BAHCC1: variants seen among roughly 807,000 people sequenced by gnomAD.
The protein encoded by BAHCC1 is BAH and coiled-coil domain-containing protein 1.
A neutral mutation model predicts 88.2 loss-of-function variants in BAHCC1; 43 were observed. That is an observed-to-expected ratio of 0.49 (90% CI 0.38 to 0.63). The LOEUF is 0.63. Ranked by LOEUF, BAHCC1 falls within the 20% of genes least tolerant of loss-of-function variation. BAHCC1 has a pLI of 0.00. For missense variants in BAHCC1, 3,023 were observed against 1,654.8 expected (o/e 1.83, Z -14.34); for synonymous variants, 1,510 against 745.5 (o/e 2.03, Z -16.71).
chr17:81,456,957 A>AAACACGTGTGTCCAG (rs2064761258), intron 16 of BAHCC1, among the ~76,000 whole-genome samples: 1 of 152,114 alleles, frequency 6.6e-6, no homozygotes, highest in Non-Finnish European at 1.5e-5. Flanking sequence ...CCCCCCCAGC[A>AAACACGTGTGTCCAG]AACACGTGTG....
At chr17:81,408,099 C>A (rs2063903600) in intron 2 of BAHCC1, among the ~76,000 whole-genome samples, 1 of 152,230 alleles carries the variant, frequency 6.6e-6, no homozygotes. Flanking sequence ...TCCTGCTGCC[C>A]CTGTGTGGCT....
In BAHCC1 at chr17:81,410,590, G is replaced by C. The variant is rs566568976; in HGVS notation, c.178+10673G>C. ...GACCTGCTCTGAGGCACCACGGGTC[G>C]AGGCACCACGGGTCCTGGCACCACG... On this transcript the variant is annotated intron_variant, in intron 2 of 27. Coordinates refer to ENST00000675386, the MANE Select transcript of BAHCC1 (RefSeq NM_001377448.1). 2.3e-4 allele frequency among the ~76,000 whole-genome samples: 35 copies of C among 152,172 alleles called. No individual in the cohort carries two copies. In the East Asian group the frequency reaches 5.8e-3, roughly 25 times the overall value.
chr17:81,443,970 C>T, intron 6 of BAHCC1, 53 bp downstream of exon 6: 1 of 697,282 alleles, frequency 1.4e-6, no homozygotes, highest in East Asian at 2.7e-5. Flanking sequence ...GGGCTTGGGG[C>T]TCCCCACTCA....
intron 2 of BAHCC1, among the ~76,000 whole-genome samples, chr17:81,425,874 G>A (rs1481534883): frequency 6.7e-6 from 1 of 150,300 alleles, no homozygotes; most frequent in Admixed American, 6.6e-5. Flanking sequence ...GGTGGGTGAT[G>A]TGGTTGGTGG....
chr17:81,442,488 A>G lies in BAHCC1; in HGVS notation c.1139A>G (p.Gln380Arg). Residue 380 changes from glutamine (Q) to arginine (R), a missense_variant, in exon 5 of 28, where the codon CAG (glutamine) becomes CGG (arginine). Gln to Arg is a conservative substitution (Grantham distance 43). Coordinates refer to ENST00000675386, the MANE Select transcript of BAHCC1 (RefSeq NM_001377448.1). ...HGGPDGLCPLQDKAPRDLKAS... is the reference protein window; with the variant it reads ...HGGPDGLCPLRDKAPRDLKAS... ...GGCCCTGACGGGCTCTGCCCGCTGC[A>G]GGACAAAGCCCCCCGGGACCTAAAG... 1.4e-6 allele frequency: 1 copy of G among 722,446 alleles called. No individual in the cohort carries two copies. The highest frequency in any genetic ancestry group is 2.6e-6 in the Non-Finnish European group (1 of 390,176). 44.8% of individuals were successfully genotyped at this position (722,446 alleles called of 1,614,324 possible). A position where few individuals can be genotyped will look rare whatever the true frequency, so the allele number is the denominator to read the frequency against.
chr17:81,438,036 C>T (rs1163762499), intron 3 of BAHCC1, among the ~76,000 whole-genome samples: 2 of 152,206 alleles, frequency 1.3e-5, no homozygotes, highest in Admixed American at 1.3e-4. Context: ...CCCCCTCCTC[C>T]CACAAAACCT....
At chr17:81,445,217 C>A (rs1555653982) in intron 9 of BAHCC1, 39 bp downstream of exon 9, 3 of 736,206 alleles carry the variant, frequency 4.1e-6, no homozygotes, top group Non-Finnish European at 7.6e-6. Context: ...CCGGGCACTT[C>A]TCCCCAACCC....
intron 2 of BAHCC1, among the ~76,000 whole-genome samples, chr17:81,425,228 T>G (rs2064167537): frequency 1.5e-5 from 1 of 68,622 alleles, no homozygotes. Flanking sequence ...TGGTTGGTGG[T>G]GATGTGGTTG....
At chr17:81,460,229 G>A in intron 23 of BAHCC1, 48 bp from the exon 24 acceptor site, 1 of 717,914 alleles carries the variant, frequency 1.4e-6, no homozygotes, top group Non-Finnish European at 2.6e-6. Context: ...CCCTGTTTCG[G>A]GCGCCTACTG....
intron 27 of BAHCC1, among the ~76,000 whole-genome samples, 186 bp downstream of exon 27, chr17:81,463,162 T>C (rs1050052449): frequency 3.3e-5 from 5 of 151,978 alleles, no homozygotes; most frequent in Admixed American, 2.6e-4. Context: ...GGCTCCCAGG[T>C]CCCTCCCCAC....
At chr17:81,397,703 C>T (rs1555645144) in intron 1 of BAHCC1, among the ~76,000 whole-genome samples, 1 of 152,186 alleles carries the variant, frequency 6.6e-6, no homozygotes. Flanking sequence ...CGGGCCCTGG[C>T]GGCCGGGCGC....
chr17:81,399,692 G>T lies in BAHCC1; in HGVS notation c.-48G>T. 2.0e-6 allele frequency: 2 copies of T among 999,098 alleles called. No homozygotes were observed. The highest frequency in any genetic ancestry group is 2.4e-6 in the Non-Finnish European group (2 of 841,516). 61.9% of individuals were successfully genotyped at this position (999,098 alleles called of 1,614,324 possible). ...CGCGCCGAGCCGCCCCCGGGCCCCG[G>T]CCGCGCTGCTCCGAGGAAGCGGCGG... On this transcript the variant is annotated 5_prime_UTR_variant, in exon 2 of 28. Coordinates refer to ENST00000675386, the MANE Select transcript of BAHCC1 (RefSeq NM_001377448.1). The surrounding 1 kb of genome is among the most constrained non-coding windows in gnomAD (Gnocchi z 4.5).
Position 81,444,546 on chromosome 17 carries a change from G to C in BAHCC1, c.2490G>C (p.Leu830=), listed in dbSNP as rs931947006. 1 of 716,700 alleles carries C rather than the reference G, an allele frequency of 1.4e-6. No homozygotes were observed. The allele number at this position is 716,700 out of a possible 1,614,324, so 44.4% of individuals were successfully genotyped here. The change falls in exon 7 of 28, where the codon CTG becomes CTC. Residue 830 remains leucine, a synonymous_variant. Transcript: ENST00000675386. ...PWLPRTRSPS[L]WMGGHSYGLG... ...TGCCCCGCACCCGCAGCCCCTCCCTGTGGATGGGGGGGCACTCCTACGGTC... is the reference window on the plus strand; with the variant it reads ...TGCCCCGCACCCGCAGCCCCTCCCTCTGGATGGGGGGGCACTCCTACGGTC...
intron 2 of BAHCC1, among the ~76,000 whole-genome samples, chr17:81,405,970 T>A (rs1224736160): frequency 1.3e-5 from 2 of 152,206 alleles, no homozygotes; most frequent in Non-Finnish European, 2.9e-5. Flanking sequence ...GTGGAAGCGA[T>A]ACAGGGACTC....
chr17:81,418,797 G>GCGCA (rs1491567301), intron 2 of BAHCC1, among the ~76,000 whole-genome samples: 1,595 of 18,896 alleles, frequency 0.084, 20 homozygotes, highest in African/African-American at 0.12. Flanking sequence ...ACGTGTGTGC[G>GCGCA]TGTGTGTGTG....
rs782775770 is a variant in BAHCC1, at chr17:81,445,519, C to G, written c.3001C>G (p.Pro1001Ala). The change falls in exon 10 of 28, where the codon CCC (proline) becomes GCC (alanine). Residue 1001 changes from proline (P) to alanine (A), a missense_variant. Transcript: ENST00000675386. ...TTGCTGCCATCCGCCCGACCCAAAG[C>G]CCCCCGCCAGCTCCCCCACCCCACC... Reference protein sequence around the residue: ...PPCCHPPDPKPPASSPTPPPR... With the variant: ...PPCCHPPDPKAPASSPTPPPR... The G allele has an allele frequency of 1.4e-6, 1 of 733,788 alleles. No homozygotes were observed. The highest frequency in any genetic ancestry group is 1.5e-5 in the South Asian group (1 of 68,746). The allele number at this position is 733,788 out of a possible 1,614,324, so 45.5% of individuals were successfully genotyped here. A position where few individuals can be genotyped will look rare whatever the true frequency, so the allele number is the denominator to read the frequency against.
chr17:81,407,659 C>T (rs890850559), intron 2 of BAHCC1, among the ~76,000 whole-genome samples: 1 of 152,232 alleles, frequency 6.6e-6, no homozygotes, highest in African/African-American at 2.4e-5. Context: ...CAGGGGTTTC[C>T]TGGCTCTGTG....
At position 81,445,625 on chromosome 17, in the gene BAHCC1, A is replaced by G. The variant is rs1195079045; in HGVS notation, c.3107A>G (p.Glu1036Gly). The part of the protein sequence containing the change: ...PGPGSRVRSA[E>G]EKNGEGQQST... ...CCTGGCTCCCGGGTGCGCAGCGCCG[A>G]GGAAAAGAATGGGGAGGGTCAGCAG... Residue 1036 changes from glutamate to glycine, a missense_variant, in exon 10 of 28, where the codon GAG (glutamate) becomes GGG (glycine). By Grantham distance (98) the Glu-to-Gly change is moderately conservative. Transcript: ENST00000675386. 3 of 733,516 alleles carry G rather than the reference A, an allele frequency of 4.1e-6. No homozygotes were observed. The highest frequency in any genetic ancestry group is 7.6e-6 in the Non-Finnish European group (3 of 395,062). 45.4% of individuals were successfully genotyped at this position (733,516 alleles called of 1,614,324 possible). A position where few individuals can be genotyped will look rare whatever the true frequency, so the allele number is the denominator to read the frequency against.
rs782613057 is a variant in BAHCC1 at position 81,459,268 on chromosome 17, C to T, written c.5736C>T (p.Ile1912=). Residue 1912 remains isoleucine, a synonymous_variant, in exon 22 of 28, where the codon ATC becomes ATT. Coordinates refer to ENST00000675386, the MANE Select transcript of BAHCC1 (RefSeq NM_001377448.1). ...ATGCCCCCAGCTATAGCATCGTCAT[C>T]GAGGGCGAGAGGGGCAACCGGCAGA... The part of the protein sequence containing the change: ...LQPPDIYSIV[I]EGERGNRQRI... 3.1e-5 allele frequency: 24 copies of T among 779,330 alleles called. No individual in the cohort carries two copies. Among genetic ancestry groups the T allele is most frequent in the Admixed American group, 2.2e-4 (13 of 58,974 alleles). 48.3% of individuals were successfully genotyped at this position (779,330 alleles called of 1,614,324 possible). A position where few individuals can be genotyped will look rare whatever the true frequency, so the allele number is the denominator to read the frequency against.
Sources: gnomAD v4.1 joint callset for allele counts (sites outside exome capture counted in the v4.1 genomes callset) on GRCh38, gnomAD v4.1.1 for gene constraint, Gnocchi (gnomAD v3.1) non-coding constraint, MANE v1.5 for transcripts, NCBI Gene and HGNC (gene_info 2026-07-23, HGNC 2026-07-21) for gene names.